ARPP21: variants seen among roughly 807,000 people sequenced by gnomAD.
ARPP21 encodes the protein cAMP-regulated phosphoprotein 21.
A neutral mutation model predicts 113.2 loss-of-function variants in ARPP21; 69 were observed. The ratio of observed to expected loss-of-function variants is 0.61; its 90% CI spans 0.50 to 0.74. The LOEUF is 0.74. Ranked by LOEUF, ARPP21 falls within the 30% of genes least tolerant of loss-of-function variation. ARPP21 has a pLI of 0.00. For synonymous variants in ARPP21, 368 were observed against 375.5 expected (o/e 0.98, Z 0.23); for missense variants, 1,070 against 1,037.4 (o/e 1.03, Z -0.43).
chr3:35,744,989 G>A (rs145196935), intron 19 of ARPP21, among the ~76,000 whole-genome samples: 3 of 152,264 alleles, frequency 2.0e-5, no homozygotes, highest in African/African-American at 4.8e-5. Flanking sequence ...AAATTCCCCC[G>A]TATTGTGGAT....
rs142469298 is a variant in ARPP21, at chr3:35,647,891, A to G, written c.-213+7493A>G. Among the ~76,000 whole-genome samples the G allele has an allele frequency of 2.0e-5, 3 of 152,344 alleles. No individual in the cohort carries two copies. The East Asian group carries it at 5.8e-4, about 29-fold the overall frequency. On this transcript the variant is annotated intron_variant, in intron 1 of 20. Transcript: ENST00000684406. ...GAGGTGGGAATAAGACCTACCTTGC[A>G]GGATCAAAGCAGAAACAAAGCACTT...
intron 9 of ARPP21, among the ~76,000 whole-genome samples, chr3:35,706,017 C>A (rs763455627): frequency 5.7e-4 from 86 of 152,178 alleles, no homozygotes; most frequent in Non-Finnish European, 1.1e-3. Flanking sequence ...ACAACAGACA[C>A]TGTGAGTGGC....
At chr3:35,672,699 T>G (rs562844053) in intron 1 of ARPP21, among the ~76,000 whole-genome samples, 1 of 152,194 alleles carries the variant, frequency 6.6e-6, no homozygotes, top group South Asian at 2.1e-4. Context: ...GAGAATCTTT[T>G]TTACTACTTG....
chr3:35,645,493 A>G (rs1284372063), intron 1 of ARPP21, among the ~76,000 whole-genome samples: 1 of 151,876 alleles, frequency 6.6e-6, no homozygotes, highest in Non-Finnish European at 1.5e-5. Context: ...GTAAAGTGTA[A>G]TATATGATCT....
At chr3:35,754,278 G>A (rs537371271) in intron 19 of ARPP21, among the ~76,000 whole-genome samples, 1 of 151,928 alleles carries the variant, frequency 6.6e-6, no homozygotes, top group South Asian at 2.1e-4. Flanking sequence ...TGAGGAAATA[G>A]GTGTAACTAA....
intron 19 of ARPP21, among the ~76,000 whole-genome samples, chr3:35,791,285 G>A (rs892057070): frequency 3.3e-5 from 5 of 152,082 alleles, no homozygotes; most frequent in Admixed American, 2.0e-4. Context: ...TTTAAAATCC[G>A]ATTGTGAAAG....
intron 1 of ARPP21, among the ~76,000 whole-genome samples, chr3:35,653,771 TACTG>T (rs1466461837): frequency 6.6e-6 from 1 of 152,076 alleles, no homozygotes; most frequent in East Asian, 1.9e-4. Context: ...TCTCTACATG[TACTG>T]ACTATCCATT....
intron 7 of ARPP21, 54 bp from the exon 8 acceptor site, chr3:35,690,027 T>G (rs754050916): frequency 1.3e-5 from 10 of 792,136 alleles, no homozygotes; most frequent in Admixed American, 1.8e-5. Context: ...ATTCTTTAGG[T>G]TTTTGGAAGT....
intron 11 of ARPP21, among the ~76,000 whole-genome samples, chr3:35,713,552 C>T (rs1317514929): frequency 6.6e-6 from 1 of 152,086 alleles, no homozygotes; most frequent in Non-Finnish European, 1.5e-5. Context: ...CACCACCATG[C>T]CCCGCTAATT....
intron 1 of ARPP21, among the ~76,000 whole-genome samples, chr3:35,664,692 G>A (rs1193104398): frequency 6.6e-6 from 1 of 152,198 alleles, no homozygotes; most frequent in African/African-American, 2.4e-5. Flanking sequence ...GGCGGGGGCT[G>A]TGGCGGTTGC....
chr3:35,691,005 T>G lies in ARPP21; in HGVS notation c.686T>G (p.Ile229Arg). The change falls in exon 9 of 21, where the codon ATA becomes AGA. Residue 229 changes from isoleucine to arginine, a missense_variant and splice_region_variant. Transcript: ENST00000684406. ...VIINKTSSTR[I>R]PEQRFCEHLK... ...ATCAACAAGACCAGCAGCACCAGAATGTAAGCCCCATCACTGTACTTATTT... is the reference window on the plus strand; with the variant it reads ...ATCAACAAGACCAGCAGCACCAGAAGGTAAGCCCCATCACTGTACTTATTT... 1 of 1,609,052 alleles carries G rather than the reference T, an allele frequency of 6.2e-7. No individual in the cohort carries two copies. Among genetic ancestry groups the G allele is most frequent in the Non-Finnish European group, 8.5e-7 (1 of 1,177,160 alleles).
chr3:35,789,823 C>T (rs561918846), intron 19 of ARPP21, among the ~76,000 whole-genome samples: 16 of 152,254 alleles, frequency 1.1e-4, no homozygotes, highest in Non-Finnish European at 2.1e-4. Flanking sequence ...CTTCTTCTTC[C>T]AACCAAGACA....
intron 11 of ARPP21, chr3:35,715,221 G>T: frequency 2.1e-6 from 1 of 480,194 alleles, no homozygotes; most frequent in Non-Finnish European, 3.8e-6. Context: ...TCTAAAACCT[G>T]GAGACGTCCT....
chr3:35,748,110 G>GAAAGAAGA (rs371869205), intron 19 of ARPP21, among the ~76,000 whole-genome samples: 7 of 95,904 alleles, frequency 7.3e-5, no homozygotes, highest in Non-Finnish European at 1.4e-4. Context: ...AAGAAAGAAA[G>GAAAGAAGA]AAGAAAGAAA....
intron 1 of ARPP21, chr3:35,640,860 G>C (rs1464012492): frequency 6.6e-6 from 1 of 152,132 alleles, no homozygotes; most frequent in Admixed American, 6.5e-5. Flanking sequence ...CATTGCAATC[G>C]CCAATTTACT....
At chr3:35,759,676 C>CTGTGTGTGTGTGTGTG (rs57456659) in intron 19 of ARPP21, among the ~76,000 whole-genome samples, 1,684 of 140,842 alleles carry the variant, frequency 0.012, 14 homozygotes, top group Middle Eastern at 0.032. Flanking sequence ...TTTTCTCTCT[C>CTGTGTGTGTGTGTGTG]TGTGTGTGTG....
At chr3:35,727,427 C>A (rs879330996) in intron 14 of ARPP21, among the ~76,000 whole-genome samples, 1 of 152,176 alleles carries the variant, frequency 6.6e-6, no homozygotes, top group Non-Finnish European at 1.5e-5. Context: ...CAAGTGCTTA[C>A]GCATACTAAG....
At chr3:35,759,658 TC>T (rs1333652082) in intron 19 of ARPP21, among the ~76,000 whole-genome samples, 2 of 144,298 alleles carry the variant, frequency 1.4e-5, no homozygotes, top group Admixed American at 1.4e-4. Flanking sequence ...TTCATTTTTT[TC>T]CTTTCATTTT....
At chr3:35,693,877 T>C (rs1227590173) in intron 9 of ARPP21, among the ~76,000 whole-genome samples, 4 of 151,650 alleles carry the variant, frequency 2.6e-5, no homozygotes, top group Non-Finnish European at 5.9e-5. Flanking sequence ...TCTAGAGTTT[T>C]AATGCTACTC....
Sources: gnomAD v4.1 joint callset for allele counts (sites outside exome capture counted in the v4.1 genomes callset) on GRCh38, gnomAD v4.1.1 for gene constraint, MANE v1.5 for transcripts, NCBI Gene and HGNC (gene_info 2026-07-23, HGNC 2026-07-21) for gene names.